The following ARHGAP39 variants were observed in gnomAD, a reference collection of about 807,000 sequenced individuals.
ARHGAP39 encodes the protein rho GTPase-activating protein 39.
ARHGAP39 carries 44 observed loss-of-function variants against 106.9 expected under a neutral mutation model. The observed-to-expected ratio is 0.41, with a 90% confidence interval of 0.32 to 0.53. The LOEUF is 0.53. ARHGAP39 is among the 20% of genes least tolerant of loss of function. ARHGAP39 has a pLI of 0.21. For missense variants in ARHGAP39, 1,496 were observed against 1,577.3 expected, an observed-to-expected ratio of 0.95 and a Z score of 0.87; for synonymous variants, 768 against 693.2, an observed-to-expected ratio of 1.11 and a Z score of -1.69.
intron 10 of ARHGAP39, 86 bp from the exon 11 acceptor site, chr8:144,530,957 G>T (rs1270196001): frequency 1.1e-5 from 16 of 1,464,424 alleles, no homozygotes; most frequent in Non-Finnish European, 1.4e-5. Context: ...TGCATGGAGG[G>T]GTGCTGTGGG....
At chr8:144,601,958 T>G (rs1471986925) in intron 2 of ARHGAP39, among the ~76,000 whole-genome samples, 1 of 142,154 alleles carries the variant, frequency 7.0e-6, no homozygotes, top group Non-Finnish European at 1.5e-5. Context: ...CTCGTGTACC[T>G]GTGTTCATGT....
At chr8:144,620,258 C>CCTGAG in intron 1 of ARHGAP39, among the ~76,000 whole-genome samples, 1 of 129,416 alleles carries the variant, frequency 7.7e-6, no homozygotes. Flanking sequence ...CCTGTGTGTC[C>CCTGAG]AAGGGAGCGT....
At chr8:144,593,724 G>A (rs1819492042) in intron 2 of ARHGAP39, among the ~76,000 whole-genome samples, 1 of 152,126 alleles carries the variant, frequency 6.6e-6, no homozygotes, top group Non-Finnish European at 1.5e-5. Context: ...AGGCTGGGAG[G>A]TGGAGACTGC....
chr8:144,577,148 T>C (rs1025824811), intron 3 of ARHGAP39, among the ~76,000 whole-genome samples: 1 of 152,136 alleles, frequency 6.6e-6, no homozygotes, highest in African/African-American at 2.4e-5. Flanking sequence ...CCTGCTCTGG[T>C]GTGTGTTTAA....
intron 3 of ARHGAP39, among the ~76,000 whole-genome samples, chr8:144,561,721 A>G: frequency 6.8e-6 from 1 of 147,438 alleles, no homozygotes; most frequent in African/African-American, 2.5e-5. Context: ...AGTGGTTTCC[A>G]TCGGACTTAA....
At chr8:144,623,683 A>G (rs1017309722) in intron 1 of ARHGAP39, among the ~76,000 whole-genome samples, 2 of 152,254 alleles carry the variant, frequency 1.3e-5, no homozygotes, top group African/African-American at 4.8e-5. Flanking sequence ...CGCCGACCCA[A>G]GAAACGGAAA....
At chr8:144,605,503 C>T (rs766745786) in intron 2 of ARHGAP39, 32 bp downstream of exon 2, 45 of 1,611,488 alleles carry the variant, frequency 2.8e-5, no homozygotes, top group African/African-American at 4.0e-5. Flanking sequence ...TCGTGAGGCC[C>T]GGGCAGCTCC....
chr8:144,657,790 T>C (rs1821734021), intron 1 of ARHGAP39, among the ~76,000 whole-genome samples: 1 of 152,144 alleles, frequency 6.6e-6, no homozygotes, highest in Non-Finnish European at 1.5e-5. Flanking sequence ...AATCCACCAT[T>C]TATTCTAAAT....
At position 144,600,957 on chromosome 8, in the gene ARHGAP39, T is replaced by C. The variant is rs571149281; in HGVS notation, c.80+4578A>G. Among the ~76,000 whole-genome samples the C allele has an allele frequency of 7.5e-5, 11 of 147,014 alleles. No individual in the cohort carries two copies. In the East Asian group the frequency reaches 2.1e-3, roughly 28 times the overall value. Reference sequence around the variant, plus strand: ...GTGTGGAGGCATGTGTGTGCTCGTATACCTGTGTGCATGTGCGTGGAGGTG... The same window carrying C: ...GTGTGGAGGCATGTGTGTGCTCGTACACCTGTGTGCATGTGCGTGGAGGTG... On this transcript the variant is annotated intron_variant, in intron 2 of 11. Coordinates refer to ENST00000377307, the MANE Select transcript of ARHGAP39 (RefSeq NM_025251.3).
At chr8:144,557,150 CA>C (rs66546715) in intron 3 of ARHGAP39, among the ~76,000 whole-genome samples, 118 of 143,682 alleles carry the variant, frequency 8.2e-4, no homozygotes, top group Middle Eastern at 7.2e-3. Context: ...TATTCAGAGG[CA>C]AAAGGCTGAA....
intron 1 of ARHGAP39, among the ~76,000 whole-genome samples, chr8:144,621,927 G>C (rs1820817610): frequency 6.6e-6 from 1 of 152,362 alleles, no homozygotes; most frequent in Admixed American, 6.5e-5. Context: ...CACACGCTCA[G>C]GTACTCCTCA....
At chr8:144,589,625 C>T (rs539156046) in intron 2 of ARHGAP39, among the ~76,000 whole-genome samples, 5 of 152,342 alleles carry the variant, frequency 3.3e-5, no homozygotes, top group East Asian at 3.9e-4. Context: ...AACCAGGTTC[C>T]GGGAGGGGCT....
At chr8:144,681,997 G>A (rs931236224) in intron 1 of ARHGAP39, among the ~76,000 whole-genome samples, 12 of 152,294 alleles carry the variant, frequency 7.9e-5, no homozygotes, top group African/African-American at 1.2e-4. Flanking sequence ...GGCCGGGTGC[G>A]GTGGCACACG....
chr8:144,615,004 C>T (rs1184098130), intron 1 of ARHGAP39, among the ~76,000 whole-genome samples: 1 of 152,260 alleles, frequency 6.6e-6, no homozygotes, highest in Non-Finnish European at 1.5e-5. Flanking sequence ...TCAGCCCATC[C>T]TTTCATTCCC....
In ARHGAP39 at chr8:144,567,946, G is replaced by A. The variant is rs546302570; in HGVS notation, c.513-12303C>T. ...CCGGTCTCCATGTCTTGGTGGTAGT[G>A]GTCCCCTGGGCCCAGCTGTCTTTTC... is the stretch of plus-strand genomic sequence containing the variant. On this transcript the variant is annotated intron_variant, in intron 3 of 11. Coordinates refer to ENST00000377307, the MANE Select transcript of ARHGAP39 (RefSeq NM_025251.3). Among the ~76,000 whole-genome samples, 4 of 152,210 alleles carry A rather than the reference G, an allele frequency of 2.6e-5. No homozygotes were observed. The South Asian group carries it at 6.2e-4, about 24-fold the overall frequency.
At chr8:144,638,914 C>G (rs1277444221) in intron 1 of ARHGAP39, among the ~76,000 whole-genome samples, 1 of 152,242 alleles carries the variant, frequency 6.6e-6, no homozygotes, top group Admixed American at 6.5e-5. Flanking sequence ...CCCTGTGAGT[C>G]TGACTTTTTA....
At chr8:144,611,697 C>T (rs1820494722) in intron 1 of ARHGAP39, among the ~76,000 whole-genome samples, 1 of 152,090 alleles carries the variant, frequency 6.6e-6, no homozygotes, top group African/African-American at 2.4e-5. Flanking sequence ...CCTTCTTTTA[C>T]TTATAACCTA....
chr8:144,602,903 C>CTG (rs201798595), intron 2 of ARHGAP39, among the ~76,000 whole-genome samples: 30 of 93,376 alleles, frequency 3.2e-4, no homozygotes, highest in Admixed American at 1.6e-3. Flanking sequence ...GCTCATGTAC[C>CTG]TGTGTGTGTG....
chr8:144,622,495 G>A (rs1480541227), intron 1 of ARHGAP39, among the ~76,000 whole-genome samples: 1 of 151,982 alleles, frequency 6.6e-6, no homozygotes, highest in Non-Finnish European at 1.5e-5. Context: ...CAGAGCGGCT[G>A]TGCCCGGAGC....
Sources: gnomAD v4.1 joint callset for allele counts (sites outside exome capture counted in the v4.1 genomes callset) on GRCh38, gnomAD v4.1.1 for gene constraint, MANE v1.5 for transcripts, NCBI Gene and HGNC (gene_info 2026-07-23, HGNC 2026-07-21) for gene names.